Variants in LGSN observed in about 807,000 individuals in gnomAD.
LGSN encodes lengsin, lens protein with glutamine synthetase domain.
Under a neutral mutation model 19.5 loss-of-function variants are expected in LGSN, and 21 were observed. The observed-to-expected ratio is 1.07, with a 90% CI of 0.76 to 1.55. The LOEUF (loss-of-function observed/expected upper bound fraction) is 1.55. Ranked by LOEUF, LGSN falls within the 40% of genes most tolerant of loss-of-function variation. The pLI is 0.00. For synonymous variants in LGSN, 257 were observed against 215.6 expected (o/e 1.19, Z -1.68); for missense variants, 673 against 608.5 (o/e 1.11, Z -1.12).
At chr6:63,378,261 A>G in the LGSN span, among the ~76,000 whole-genome samples, 1 of 152,170 alleles carries the variant, frequency 6.6e-6, no homozygotes, top group Non-Finnish European at 1.5e-5. Flanking sequence ...TGATCACCAC[A>G]GCAGGGGAAC....
the LGSN span, among the ~76,000 whole-genome samples, chr6:63,350,915 T>C: frequency 6.6e-6 from 1 of 151,978 alleles, no homozygotes; most frequent in Non-Finnish European, 1.5e-5. Context: ...TGGTTTTTTA[T>C]CCTAATAAAA....
At chr6:63,439,261 G>A in the LGSN span, among the ~76,000 whole-genome samples, 9 of 152,078 alleles carry the variant, frequency 5.9e-5, no homozygotes, top group African/African-American at 2.2e-4. Flanking sequence ...GCTAAATGAC[G>A]AGTTAATGGG....
rs5876851 is a variant in LGSN at position 63,277,659 on chromosome 6, AC to A, written c.*2361del. The A allele has an allele frequency of 0.43, 65,487 of 151,992 alleles. 14,646 individuals are homozygous for A. The highest frequency in any genetic ancestry group is 0.47 in the Non-Finnish European group (31,956 of 67,972). 9.4% of individuals were successfully genotyped at this position (151,992 alleles called of 1,614,324 possible). A position where few individuals can be genotyped will look rare whatever the true frequency, so the allele number is the denominator to read the frequency against. On this transcript the variant is annotated 3_prime_UTR_variant, in exon 4 of 4. Transcript: ENST00000370657. ...AGCAGAGATTCCACCTTATTACTGT[AC>A]CCTGTGGAGCAAACCTCCCTTCCCA...
chr6:63,525,055 G>C, the LGSN span, among the ~76,000 whole-genome samples: 1 of 152,182 alleles, frequency 6.6e-6, no homozygotes, highest in Non-Finnish European at 1.5e-5. Flanking sequence ...AGACAGACTA[G>C]AGCAGCATTT....
At chr6:63,294,870 C>A in intron 2 of LGSN, 43 bp downstream of exon 2, 4 of 1,603,908 alleles carry the variant, frequency 2.5e-6, no homozygotes, top group Non-Finnish European at 3.4e-6. Flanking sequence ...ATGGAGATTG[C>A]CTCTGACCAC....
chr6:63,405,930 A>G, the LGSN span, among the ~76,000 whole-genome samples: 1 of 152,194 alleles, frequency 6.6e-6, no homozygotes, highest in African/African-American at 2.4e-5. Context: ...GAGACAAAGA[A>G]GGCCATTACA....
chr6:63,443,523 G>T, the LGSN span: 1 of 671,024 alleles, frequency 1.5e-6, no homozygotes, highest in South Asian at 4.8e-5. Flanking sequence ...CACCATCTGT[G>T]ACAATGTGGT....
the LGSN span, among the ~76,000 whole-genome samples, chr6:63,416,255 C>T: frequency 1.3e-5 from 2 of 152,014 alleles, no homozygotes; most frequent in Non-Finnish European, 2.9e-5. Context: ...CTTCTGCCAA[C>T]ACGGGCATAC....
chr6:63,516,395 A>C, the LGSN span, among the ~76,000 whole-genome samples: 81,726 of 152,074 alleles, frequency 0.54, 23,756 homozygotes, highest in African/African-American at 0.77. Flanking sequence ...TCTTTAGACT[A>C]ATTTAGCAGA....
the LGSN span, among the ~76,000 whole-genome samples, chr6:63,356,409 G>A: frequency 2.0e-5 from 3 of 152,008 alleles, no homozygotes; most frequent in Non-Finnish European, 2.9e-5. Context: ...GGGTGTGGTG[G>A]CTCGTGCCTG....
chr6:63,279,336 T>G lies in LGSN; in HGVS notation c.*685A>C, dbSNP rs1189985753. 6.6e-6 allele frequency: 1 copy of G among 152,254 alleles called. No homozygotes were observed. Among genetic ancestry groups the G allele is most frequent in the Non-Finnish European group, 1.5e-5 (1 of 68,054 alleles). 9.4% of individuals were successfully genotyped at this position (152,254 alleles called of 1,614,324 possible). A position where few individuals can be genotyped will look rare whatever the true frequency, so the allele number is the denominator to read the frequency against. ...AGAAAGGCTTTAACTACTTTTAAAA[T>G]CTGACCTCGTTGTTCTCAGCTCCAA... On this transcript the variant is annotated 3_prime_UTR_variant, in exon 4 of 4. Transcript: ENST00000370657.
the LGSN span, among the ~76,000 whole-genome samples, chr6:63,370,006 AAAG>A: frequency 0.13 from 19,844 of 151,868 alleles, 2,876 homozygotes; most frequent in African/African-American, 0.36. Context: ...TGTATCCAAA[AAAG>A]AAGAAGAAGA....
At chr6:63,485,727 G>A in the LGSN span, among the ~76,000 whole-genome samples, 1 of 151,898 alleles carries the variant, frequency 6.6e-6, no homozygotes, top group Admixed American at 6.6e-5. Context: ...GATTAAAATT[G>A]TGTTTCTTTT....
the LGSN span, among the ~76,000 whole-genome samples, chr6:63,339,984 A>G: frequency 2.0e-5 from 3 of 152,084 alleles, no homozygotes; most frequent in African/African-American, 4.8e-5. Context: ...CTTTTCTTAT[A>G]AAGACTTTAC....
the LGSN span, among the ~76,000 whole-genome samples, chr6:63,444,148 C>T: frequency 2.0e-5 from 3 of 152,036 alleles, no homozygotes; most frequent in African/African-American, 7.2e-5. Flanking sequence ...ATGCACCAGG[C>T]ACTGTCTGAG....
the LGSN span, chr6:63,396,249 A>T: frequency 1.2e-5 from 2 of 165,998 alleles, no homozygotes; most frequent in Middle Eastern, 9.6e-4. Flanking sequence ...TTAGGGTAAA[A>T]CTTGGGGAAG....
At chr6:63,537,782 A>G in the LGSN span, among the ~76,000 whole-genome samples, 1 of 152,192 alleles carries the variant, frequency 6.6e-6, no homozygotes, top group Non-Finnish European at 1.5e-5. Context: ...TTTACATGGC[A>G]AGGGGGAAGG....
chr6:63,456,880 G>C, the LGSN span, among the ~76,000 whole-genome samples: 1 of 152,166 alleles, frequency 6.6e-6, no homozygotes, highest in African/African-American at 2.4e-5. Flanking sequence ...CTCTGAATGA[G>C]TTACTCAAGG....
the LGSN span, among the ~76,000 whole-genome samples, chr6:63,489,978 G>C: frequency 6.6e-6 from 1 of 152,152 alleles, no homozygotes; most frequent in African/African-American, 2.4e-5. Context: ...CCAAAGTGCT[G>C]ATTACAGATG....
Sources: gnomAD v4.1 joint callset for allele counts (sites outside exome capture counted in the v4.1 genomes callset) on GRCh38, gnomAD v4.1.1 for gene constraint, MANE v1.5 for transcripts, NCBI Gene and HGNC (gene_info 2026-07-23, HGNC 2026-07-21) for gene names.